CDH13: variants seen among roughly 807,000 people sequenced by gnomAD.
CDH13 encodes cadherin 13.
CDH13 carries 24 observed loss-of-function variants against 63.8 expected under a neutral mutation model. The ratio of observed to expected loss-of-function variants is 0.38; its 90% CI spans 0.27 to 0.53. The LOEUF (loss-of-function observed/expected upper bound fraction) is 0.53. CDH13 is among the 20% of genes least tolerant of loss of function. CDH13 has a pLI of 0.85. For missense variants in CDH13, 1,049 were observed against 903.1 expected (o/e 1.16, Z -2.07); for synonymous variants, 503 against 355.3 (o/e 1.42, Z -4.67).
intron 2 of CDH13, among the ~76,000 whole-genome samples, chr16:83,005,294 T>A (rs7205815): frequency 0.38 from 57,491 of 152,030 alleles, 11,048 homozygotes; most frequent in Non-Finnish European, 0.42. Flanking sequence ...AAATAGGGAA[T>A]TTTTCTACCA....
Position 83,563,410 on chromosome 16 carries a change from C to G in CDH13, c.961-39044C>G, listed in dbSNP as rs1188420922. ...GTTTTTGAAGCTGTAATTTTACATC[C>G]TGAAAAAAGGTTAAATTTAAGGCAA... On this transcript the variant is annotated intron_variant, in intron 7 of 13. Coordinates refer to ENST00000567109, the MANE Select transcript of CDH13 (RefSeq NM_001257.5). Among the ~76,000 whole-genome samples, 4 of 152,198 alleles carry G rather than the reference C, an allele frequency of 2.6e-5. No homozygotes were observed. The South Asian group carries it at 8.3e-4, about 32-fold the overall frequency.
intron 2 of CDH13, among the ~76,000 whole-genome samples, chr16:82,888,360 G>C (rs2040963446): frequency 6.6e-6 from 1 of 152,202 alleles, no homozygotes; most frequent in African/African-American, 2.4e-5. Context: ...CCTGTGGGTT[G>C]CCTGTGACTG....
chr16:82,959,618 C>T (rs1315924860), intron 2 of CDH13, among the ~76,000 whole-genome samples: 1 of 152,188 alleles, frequency 6.6e-6, no homozygotes, highest in African/African-American at 2.4e-5. Flanking sequence ...ATTTTCAGGA[C>T]CCTTGTGATT....
At chr16:82,953,207 G>A (rs957769750) in intron 2 of CDH13, 3 of 151,912 alleles carry the variant, frequency 2.0e-5, no homozygotes, top group African/African-American at 7.3e-5. Flanking sequence ...ATTGTGAAAA[G>A]GTCAAGATAA....
chr16:83,015,362 C>A (rs981174772), intron 2 of CDH13, among the ~76,000 whole-genome samples: 1 of 151,304 alleles, frequency 6.6e-6, no homozygotes, highest in African/African-American at 2.4e-5. Context: ...ATAGAATGAC[C>A]AAATCTCCAC....
intron 5 of CDH13, among the ~76,000 whole-genome samples, chr16:83,330,092 A>G (rs950533311): frequency 1.3e-5 from 2 of 152,256 alleles, no homozygotes; most frequent in South Asian, 2.1e-4. Flanking sequence ...TTCAAATAGA[A>G]GAGATTCTTG....
At chr16:83,251,795 A>G (rs746222711) in intron 5 of CDH13, among the ~76,000 whole-genome samples, 2 of 152,094 alleles carry the variant, frequency 1.3e-5, no homozygotes, top group Admixed American at 1.3e-4. Flanking sequence ...AGGCAACCCA[A>G]AATCAGGGTA....
At chr16:82,756,913 G>A (rs2034632606) in intron 1 of CDH13, among the ~76,000 whole-genome samples, 1 of 152,144 alleles carries the variant, frequency 6.6e-6, no homozygotes, top group South Asian at 2.1e-4. Flanking sequence ...CTCTGTGAGG[G>A]CCAGGATTTG....
intron 1 of CDH13, among the ~76,000 whole-genome samples, chr16:82,780,144 G>A (rs908392725): frequency 3.3e-5 from 5 of 152,024 alleles, no homozygotes; most frequent in African/African-American, 1.2e-4. Flanking sequence ...CTCCCTTGTT[G>A]CTTGTAGGAA....
chr16:83,528,596 A>C (rs142271072), intron 7 of CDH13, among the ~76,000 whole-genome samples: 1 of 152,198 alleles, frequency 6.6e-6, no homozygotes, highest in African/African-American at 2.4e-5. Flanking sequence ...GATTTCTACT[A>C]TAAATATTAG....
rs139572968 is a variant in CDH13 at position 83,077,889 on chromosome 16, G to C, written c.366+45671G>C. On this transcript the variant is annotated intron_variant, in intron 3 of 13. Transcript: ENST00000567109. Reference sequence around the variant, plus strand: ...GCTGTTACTGATCTTTTTAATTTTAGCGATTCTGGTGAGTGTGTAGTGGCA... The same window carrying C: ...GCTGTTACTGATCTTTTTAATTTTACCGATTCTGGTGAGTGTGTAGTGGCA... 1.1e-3 allele frequency among the ~76,000 whole-genome samples: 164 copies of C among 152,216 alleles called. 1 individual carries two copies. The highest frequency in any genetic ancestry group is 3.8e-3 in the African/African-American group (157 of 41,516).
At chr16:83,657,671 G>C (rs1252026836) in intron 8 of CDH13, among the ~76,000 whole-genome samples, 4 of 152,206 alleles carry the variant, frequency 2.6e-5, no homozygotes, top group African/African-American at 4.8e-5. Context: ...ATCAGTCAGT[G>C]GAAGAGATGA....
At chr16:83,328,386 G>T (rs1421385552) in intron 5 of CDH13, among the ~76,000 whole-genome samples, 1 of 152,146 alleles carries the variant, frequency 6.6e-6, no homozygotes, top group African/African-American at 2.4e-5. Flanking sequence ...ATGATTTTGG[G>T]GAGAGTGAAA....
In CDH13 at chr16:83,585,449, C is replaced by T. The variant is rs541754045; in HGVS notation, c.961-17005C>T. Among the ~76,000 whole-genome samples the T allele has an allele frequency of 2.6e-5, 4 of 152,254 alleles. No homozygotes were observed. The South Asian group carries it at 8.3e-4, about 32-fold the overall frequency. ...ACACGAGGGGGCCCCAGTTTTGATG[C>T]ATCTACCAGAACAGGGAAGGACTGT... is the stretch of plus-strand genomic sequence containing the variant. On this transcript the variant is annotated intron_variant, in intron 7 of 13. Transcript: ENST00000567109.
At chr16:82,738,755 G>T (rs144217318) in intron 1 of CDH13, among the ~76,000 whole-genome samples, 106 of 152,272 alleles carry the variant, frequency 7.0e-4, no homozygotes, top group Non-Finnish European at 1.1e-3. Context: ...CTTTCTGTAG[G>T]CATTAACTCT....
chr16:82,871,731 G>A (rs761858344), intron 2 of CDH13, among the ~76,000 whole-genome samples: 6 of 152,096 alleles, frequency 3.9e-5, no homozygotes, highest in Admixed American at 2.0e-4. Context: ...GTGTGAGTTG[G>A]CTTTGGAAAC....
intron 10 of CDH13, among the ~76,000 whole-genome samples, chr16:83,747,660 C>T (rs552173239): frequency 2.7e-5 from 4 of 150,782 alleles, no homozygotes; most frequent in Non-Finnish European, 5.9e-5. Flanking sequence ...CTGTGAGGTG[C>T]CCAATATTGC....
chr16:82,740,690 G>A (rs886506978), intron 1 of CDH13, among the ~76,000 whole-genome samples: 6 of 152,154 alleles, frequency 3.9e-5, no homozygotes, highest in Non-Finnish European at 7.3e-5. Context: ...TTTCCTGATG[G>A]AGACTGAAAG....
intron 6 of CDH13, among the ~76,000 whole-genome samples, chr16:83,406,316 G>A (rs1010890589): frequency 2.6e-5 from 4 of 152,020 alleles, no homozygotes; most frequent in Admixed American, 6.6e-5. Flanking sequence ...CCTGCTTCCT[G>A]AATCTCCCAC....
Sources: allele counts gnomAD v4.1 joint callset (sites outside exome capture counted in the v4.1 genomes callset), GRCh38; gene constraint gnomAD v4.1.1; transcripts MANE v1.5; gene names NCBI Gene and HGNC (gene_info 2026-07-23, HGNC 2026-07-21).